The following NOVA1 variants were observed in gnomAD, a reference collection of about 807,000 sequenced individuals.
NOVA1 encodes the protein NOVA alternative splicing regulator 1, also known as RNA-binding protein Nova-1.
Under a neutral mutation model 38.0 loss-of-function variants are expected in NOVA1, and 7 were observed. The ratio of observed to expected loss-of-function variants is 0.18; its 90% CI spans 0.10 to 0.35. NOVA1 has a LOEUF of 0.35. Ranked by LOEUF, NOVA1 falls within the 10% of genes least tolerant of loss-of-function variation. The probability of loss-of-function intolerance (pLI) is 1.00; values close to 1 mark genes in which losing one functional copy is unlikely to be tolerated. For missense variants in NOVA1, 460 were observed against 616.0 expected (o/e 0.75, Z 2.68); for synonymous variants, 270 against 232.5 (o/e 1.16, Z -1.47).
At chr14:26,486,849 A>G (rs936861217) in intron 2 of NOVA1, among the ~76,000 whole-genome samples, 6 of 151,718 alleles carry the variant, frequency 4.0e-5, no homozygotes, top group African/African-American at 1.5e-4. Flanking sequence ...GTCAGTGTAA[A>G]TAGATAAAAT....
chr14:26,535,993 A>G (rs1264263784), intron 2 of NOVA1, among the ~76,000 whole-genome samples: 1 of 152,004 alleles, frequency 6.6e-6, no homozygotes, highest in Non-Finnish European at 1.5e-5. Flanking sequence ...AAAAAAAAAA[A>G]AATGTGGTAC....
chr14:26,494,283 G>C (rs969690456), intron 2 of NOVA1, among the ~76,000 whole-genome samples: 24 of 152,258 alleles, frequency 1.6e-4, no homozygotes, highest in Non-Finnish European at 2.5e-4. Context: ...ATGTCCTATG[G>C]AGCAGGTAGG....
chr14:26,490,713 G>GTGT (rs1357727850), intron 2 of NOVA1, among the ~76,000 whole-genome samples: 12 of 152,072 alleles, frequency 7.9e-5, no homozygotes, highest in Non-Finnish European at 5.9e-5. Context: ...GGGTCTCACT[G>GTGT]TGTTGCCCAA....
chr14:26,448,643 T>G lies in NOVA1; in HGVS notation c.840A>C (p.Pro280=). 1 of 1,614,244 alleles carries G rather than the reference T, an allele frequency of 6.2e-7. No homozygotes were observed. The highest frequency in any genetic ancestry group is 8.5e-7 in the Non-Finnish European group (1 of 1,180,050). ...ATAGCCCTGCAGCTGCTGCAGCAGT[T>G]GGTAACACTTCAGCAGTGTTTGCAT... ...SPYANTAEVL[P]TAAAAAGLLG... The change falls in exon 5 of 5, where the codon CCA becomes CCC. Residue 280 remains proline, a synonymous_variant. Coordinates refer to ENST00000539517, the MANE Select transcript of NOVA1 (RefSeq NM_002515.3). The surrounding 1 kb of genome is among the most constrained non-coding windows in gnomAD (Gnocchi z 5.3).
intron 2 of NOVA1, among the ~76,000 whole-genome samples, chr14:26,547,869 C>T (rs917852274): frequency 6.6e-6 from 1 of 152,018 alleles, no homozygotes; most frequent in East Asian, 1.9e-4. Flanking sequence ...AGTGCTTTGA[C>T]TATTAAATGA....
chr14:26,529,438 G>A (rs999366776), intron 2 of NOVA1, among the ~76,000 whole-genome samples: 3 of 151,932 alleles, frequency 2.0e-5, no homozygotes, highest in Non-Finnish European at 2.9e-5. Context: ...ACGCCCAGCC[G>A]AAGTGGTTAT....
intron 2 of NOVA1, among the ~76,000 whole-genome samples, chr14:26,561,830 A>C (rs1891850159): frequency 6.6e-6 from 1 of 152,202 alleles, no homozygotes; most frequent in African/African-American, 2.4e-5. Context: ...AAAAATTCTA[A>C]GATCAACTAA....
At chr14:26,550,758 T>G (rs1294570062) in intron 2 of NOVA1, among the ~76,000 whole-genome samples, 1 of 152,098 alleles carries the variant, frequency 6.6e-6, no homozygotes, top group African/African-American at 2.4e-5. Context: ...AGACTGAGGG[T>G]GCTTTGTGAC....
At chr14:26,538,388 AG>A (rs1833580983) in intron 2 of NOVA1, among the ~76,000 whole-genome samples, 1 of 152,172 alleles carries the variant, frequency 6.6e-6, no homozygotes, top group Non-Finnish European at 1.5e-5. Flanking sequence ...CATTTATTTT[AG>A]CAAAACTAAG....
chr14:26,582,374 T>TA (rs968881197), intron 2 of NOVA1, among the ~76,000 whole-genome samples: 2 of 151,818 alleles, frequency 1.3e-5, no homozygotes, highest in African/African-American at 2.4e-5. Context: ...ATTTTAAAAA[T>TA]AAAAAATGAA....
Position 26,444,364 on chromosome 14 carries a change from T to C in NOVA1, c.*3595A>G, listed in dbSNP as rs1881911323. ...AAAGTAAACATTAATATGCACTTTC[T>C]TAGAAAGCGATATAAATATATAATA... On this transcript the variant is annotated 3_prime_UTR_variant, in exon 5 of 5. Transcript: ENST00000539517. The C allele has an allele frequency of 6.6e-6, 1 of 152,154 alleles. No homozygotes were observed. The highest frequency in any genetic ancestry group is 1.5e-5 in the Non-Finnish European group (1 of 68,018). 9.4% of individuals were successfully genotyped at this position (152,154 alleles called of 1,614,324 possible).
chr14:26,554,295 C>T (rs749025815), intron 2 of NOVA1, among the ~76,000 whole-genome samples: 3 of 151,802 alleles, frequency 2.0e-5, no homozygotes, highest in Admixed American at 6.6e-5. Context: ...AAGCCTTTTC[C>T]CTTTCCACCT....
chr14:26,444,860 CA>C lies in NOVA1; in HGVS notation c.*3098del, dbSNP rs543242456. ...ACAAAAAAACAAACAAACAAACAAA[CA>C]AAAAAAAAACAAAAAAACTGCAATG... is the stretch of plus-strand genomic sequence containing the variant. On this transcript the variant is annotated 3_prime_UTR_variant, in exon 5 of 5. Transcript: ENST00000539517. 4.3e-3 allele frequency: 625 copies of C among 143,888 alleles called. 5 individuals carry two copies. The highest frequency in any genetic ancestry group is 0.042 in the Middle Eastern group (12 of 286). The allele number at this position is 143,888 out of a possible 1,614,324, so 8.9% of individuals were successfully genotyped here.
At chr14:26,573,834 C>G (rs976423612) in intron 2 of NOVA1, among the ~76,000 whole-genome samples, 1 of 152,038 alleles carries the variant, frequency 6.6e-6, no homozygotes, top group Non-Finnish European at 1.5e-5. Flanking sequence ...ACAGAGCTGG[C>G]TCAACTGAAA....
At chr14:26,585,370 G>A (rs1222592685) in intron 2 of NOVA1, among the ~76,000 whole-genome samples, 1 of 150,834 alleles carries the variant, frequency 6.6e-6, no homozygotes, top group Admixed American at 6.6e-5. Flanking sequence ...TATTTTTCTT[G>A]GCACATTAGA....
At chr14:26,565,900 A>C (rs1488885329) in intron 2 of NOVA1, among the ~76,000 whole-genome samples, 1 of 152,164 alleles carries the variant, frequency 6.6e-6, no homozygotes, top group Non-Finnish European at 1.5e-5. Flanking sequence ...TACAGAAAAA[A>C]ATATAATGAT....
chr14:26,449,280 G>A (rs1372674357), intron 4 of NOVA1, among the ~76,000 whole-genome samples: 4 of 151,970 alleles, frequency 2.6e-5, no homozygotes, highest in Non-Finnish European at 4.4e-5. Context: ...ATACACCAAA[G>A]GTAACATTTT....
chr14:26,474,852 A>G (rs1181345339), intron 3 of NOVA1, among the ~76,000 whole-genome samples: 1 of 152,014 alleles, frequency 6.6e-6, no homozygotes, highest in Non-Finnish European at 1.5e-5. Flanking sequence ...TAAAGATGTG[A>G]CAAGTTTTGC....
chr14:26,550,985 A>G (rs1308561507), intron 2 of NOVA1, among the ~76,000 whole-genome samples: 2 of 152,092 alleles, frequency 1.3e-5, no homozygotes, highest in African/African-American at 2.4e-5. Context: ...TTTATTTTAA[A>G]AGACATAGAC....
Sources: allele counts gnomAD v4.1 joint callset (sites outside exome capture counted in the v4.1 genomes callset), GRCh38; gene constraint gnomAD v4.1.1; non-coding constraint Gnocchi (gnomAD v3.1); transcripts MANE v1.5; gene names NCBI Gene and HGNC (gene_info 2026-07-23, HGNC 2026-07-21).